FAM171B: variants seen among roughly 807,000 people sequenced by gnomAD.
FAM171B encodes protein FAM171B.
A neutral mutation model predicts 75.6 loss-of-function variants in FAM171B; 19 were observed. The ratio of observed to expected loss-of-function variants is 0.25; its 90% confidence interval spans 0.18 to 0.37. FAM171B has a LOEUF of 0.37. Among genes scored for constraint, FAM171B ranks in the 10% least tolerant of loss-of-function variants. The pLI, the probability that FAM171B is intolerant of heterozygous loss-of-function variation, is 1.00. For synonymous variants in FAM171B, 367 were observed against 361.7 expected, an observed-to-expected ratio of 1.01 and a Z score of -0.17; for missense variants, 848 against 982.4, an observed-to-expected ratio of 0.86 and a Z score of 1.83.
intron 1 of FAM171B, among the ~76,000 whole-genome samples, chr2:186,710,674 C>G (rs949449625): frequency 7.9e-5 from 12 of 152,122 alleles, no homozygotes; most frequent in African/African-American, 2.9e-4. Context: ...CATCATCTTG[C>G]TGAAACATTG....
At chr2:186,753,450 ACT>A (rs1421501296) in intron 5 of FAM171B, among the ~76,000 whole-genome samples, 2 of 152,206 alleles carry the variant, frequency 1.3e-5, no homozygotes, top group East Asian at 3.8e-4. Context: ...TAATTTTAAA[ACT>A]CACAAAATTA....
intron 4 of FAM171B, among the ~76,000 whole-genome samples, chr2:186,748,089 A>C (rs776510797): frequency 6.6e-6 from 1 of 151,946 alleles, no homozygotes; most frequent in Non-Finnish European, 1.5e-5. Context: ...CACCCAGCTA[A>C]TCTTTTTTAT....
chr2:186,740,513 T>C (rs1174801889), intron 2 of FAM171B, 52 bp downstream of exon 2: 1 of 1,435,114 alleles, frequency 7.0e-7, no homozygotes, highest in African/African-American at 1.4e-5. Flanking sequence ...TGTAAATGAA[T>C]TATTTTCTCT....
intron 1 of FAM171B, among the ~76,000 whole-genome samples, chr2:186,733,957 A>G (rs1690160385): frequency 1.3e-5 from 2 of 152,080 alleles, no homozygotes; most frequent in East Asian, 1.9e-4. Flanking sequence ...GTCACCAGCA[A>G]TGTGGTGAGT....
intron 2 of FAM171B, among the ~76,000 whole-genome samples, chr2:186,742,402 A>G (rs1690301497): frequency 6.6e-6 from 1 of 152,174 alleles, no homozygotes; most frequent in Non-Finnish European, 1.5e-5. Flanking sequence ...AATTTAATCC[A>G]TTAATCAGTC....
chr2:186,761,435 G>A lies in FAM171B; in HGVS notation c.1137-44G>A, dbSNP rs747721127. On this transcript the variant is annotated intron_variant, in intron 7 of 7. Coordinates refer to ENST00000304698, the MANE Select transcript of FAM171B (RefSeq NM_177454.4). The stretch of plus-strand genomic sequence containing the variant: ...GTGATTTTTAATAAATGAACCATTT[G>A]TGTCATAACTTTTAAATATTTTTTG... The A allele has an allele frequency of 3.9e-5, 59 of 1,521,330 alleles. No individual in the cohort carries two copies. In the Admixed American group the frequency reaches 5.9e-4, roughly 15 times the overall value. The allele number at this position is 1,521,330 out of a possible 1,614,324, so 94.2% of individuals were successfully genotyped here.
chr2:186,713,052 G>A (rs930785132), intron 1 of FAM171B, among the ~76,000 whole-genome samples: 1 of 152,214 alleles, frequency 6.6e-6, no homozygotes, highest in Non-Finnish European at 1.5e-5. Context: ...AAAACTGGGT[G>A]ACCATCTAAA....
In FAM171B at chr2:186,751,159, T is replaced by G. The variant is rs1690446563; in HGVS notation, c.750T>G (p.Pro250=). ...GTTTTGAAAACATTGAATTGACTCC[T>G]CTTGCTGCAATATGTGTGAAAATAT... ...KPGFENIELT[P]LAAICVKIYS... Residue 250 remains proline, a synonymous_variant, in exon 5 of 8, where the codon CCT becomes CCG. Transcript: ENST00000304698. 6.2e-7 allele frequency: 1 copy of G among 1,607,006 alleles called. No individual in the cohort carries two copies. The highest frequency in any genetic ancestry group is 1.3e-5 in the African/African-American group (1 of 74,906).
At chr2:186,739,462 G>A (rs376550816) in intron 1 of FAM171B, among the ~76,000 whole-genome samples, 2 of 151,910 alleles carry the variant, frequency 1.3e-5, no homozygotes, top group Non-Finnish European at 2.9e-5. Flanking sequence ...TATTTGATAA[G>A]CTTTTTTCTA....
intron 1 of FAM171B, among the ~76,000 whole-genome samples, chr2:186,704,056 T>C (rs1168388602): frequency 2.0e-5 from 3 of 152,208 alleles, no homozygotes; most frequent in Non-Finnish European, 4.4e-5. Context: ...TATATTTAAA[T>C]GAACTGGTAC....
chr2:186,694,455 G>T, intron 1 of FAM171B, 44 bp downstream of exon 1: 2 of 1,584,302 alleles, frequency 1.3e-6, no homozygotes, highest in South Asian at 2.3e-5. Flanking sequence ...CTCGGCCGGC[G>T]ATCTCTTAGG....
chr2:186,708,102 G>A (rs1270057523), intron 1 of FAM171B, among the ~76,000 whole-genome samples: 2 of 151,950 alleles, frequency 1.3e-5, no homozygotes, highest in Non-Finnish European at 1.5e-5. Flanking sequence ...ATAATTATTT[G>A]GGTAATTGAA....
chr2:186,736,645 CTTTT>C (rs71396886), intron 1 of FAM171B, among the ~76,000 whole-genome samples: 2 of 50,240 alleles, frequency 4.0e-5, no homozygotes, highest in South Asian at 1.0e-3. Flanking sequence ...GGGATCAGAG[CTTTT>C]TTTTTTTTTT....
intron 6 of FAM171B, among the ~76,000 whole-genome samples, chr2:186,758,668 T>G (rs115450332): frequency 1.3e-3 from 203 of 152,268 alleles, no homozygotes; most frequent in African/African-American, 4.5e-3. Flanking sequence ...ACTTTTATCA[T>G]GTTTTTAAAT....
chr2:186,696,796 A>AC (rs1689587823), intron 1 of FAM171B, among the ~76,000 whole-genome samples: 1 of 152,110 alleles, frequency 6.6e-6, no homozygotes. Context: ...TAAAATAGTA[A>AC]TCTGCACATC....
intron 3 of FAM171B, among the ~76,000 whole-genome samples, chr2:186,743,918 G>A (rs1460365437): frequency 6.6e-6 from 1 of 152,172 alleles, no homozygotes. Context: ...GGCCTTTGGG[G>A]CTAATTTACA....
intron 3 of FAM171B, among the ~76,000 whole-genome samples, chr2:186,744,227 T>G (rs1690334531): frequency 6.6e-6 from 1 of 152,220 alleles, no homozygotes; most frequent in African/African-American, 2.4e-5. Context: ...TTTGCTTGTT[T>G]GTTTTGTATT....
chr2:186,753,656 G>C (rs956429731), intron 5 of FAM171B, among the ~76,000 whole-genome samples: 4 of 152,042 alleles, frequency 2.6e-5, no homozygotes, highest in Non-Finnish European at 4.4e-5. Flanking sequence ...CTTGTGATCC[G>C]CCTGCCTTGG....
intron 6 of FAM171B, among the ~76,000 whole-genome samples, chr2:186,754,770 AAGAC>A (rs1690507643): frequency 6.6e-6 from 1 of 152,214 alleles, no homozygotes; most frequent in African/African-American, 2.4e-5. Flanking sequence ...TATGCAACCT[AAGAC>A]AGCTTTGAAT....
Sources: allele counts gnomAD v4.1 joint callset (sites outside exome capture counted in the v4.1 genomes callset), GRCh38; gene constraint gnomAD v4.1.1; transcripts MANE v1.5; gene names NCBI Gene and HGNC (gene_info 2026-07-23, HGNC 2026-07-21).